The following LARGE1 variants were observed in gnomAD, a reference collection of about 807,000 sequenced individuals.
The protein encoded by LARGE1 is LARGE xylosyl- and glucuronyltransferase 1, also known as xylosyl- and glucuronyltransferase LARGE1.
A neutral mutation model predicts 87.6 loss-of-function variants in LARGE1; 43 were observed. The observed-to-expected ratio is 0.49, with a 90% CI of 0.38 to 0.63. LARGE1 has a LOEUF of 0.63. Among genes scored for constraint, LARGE1 ranks in the 30% least tolerant of loss-of-function variants. The pLI is 0.00. For synonymous variants in LARGE1, 434 were observed against 394.6 expected (o/e 1.10, Z -1.18); for missense variants, 802 against 1,000.2 (o/e 0.80, Z 2.67).
chr22:33,079,787 A>T, the LARGE1 span, among the ~76,000 whole-genome samples: 2 of 152,094 alleles, frequency 1.3e-5, no homozygotes, highest in African/African-American at 4.8e-5. Flanking sequence ...CTTTCCCCTT[A>T]AGACATAATT....
At chr22:33,789,622 C>T (rs1461056929) in intron 1 of LARGE1, among the ~76,000 whole-genome samples, 4 of 152,186 alleles carry the variant, frequency 2.6e-5, no homozygotes, top group African/African-American at 9.6e-5. Context: ...AGGGGTAGAG[C>T]TACCCAACTC....
At chr22:33,330,099 A>C (rs1406876780) in intron 10 of LARGE1, among the ~76,000 whole-genome samples, 1 of 152,146 alleles carries the variant, frequency 6.6e-6, no homozygotes, top group Non-Finnish European at 1.5e-5. Flanking sequence ...GCCCAACATG[A>C]GGTAGAACAA....
intron 3 of LARGE1, among the ~76,000 whole-genome samples, chr22:33,634,414 G>A (rs1020133981): frequency 3.3e-5 from 5 of 152,148 alleles, no homozygotes; most frequent in Non-Finnish European, 7.4e-5. Flanking sequence ...GCACTTGGAA[G>A]AGACTCTATA....
At chr22:33,631,535 C>T (rs1356435076) in intron 3 of LARGE1, among the ~76,000 whole-genome samples, 3 of 152,150 alleles carry the variant, frequency 2.0e-5, no homozygotes, top group Non-Finnish European at 4.4e-5. Flanking sequence ...TCAGAATCAT[C>T]AATATCACTG....
At chr22:33,193,966 T>C (rs1427888119) in intron 11 of LARGE1, among the ~76,000 whole-genome samples, 2 of 147,868 alleles carry the variant, frequency 1.4e-5, no homozygotes, top group African/African-American at 4.9e-5. Context: ...GTTATATATG[T>C]TTATATTTTA....
At chr22:33,744,814 A>C (rs2145569700) in intron 2 of LARGE1, among the ~76,000 whole-genome samples, 1 of 152,344 alleles carries the variant, frequency 6.6e-6, no homozygotes, top group African/African-American at 2.4e-5. Context: ...AGCAAGATGC[A>C]CTGTATATAT....
intron 1 of LARGE1, among the ~76,000 whole-genome samples, chr22:33,892,710 A>C (rs980302983): frequency 2.6e-5 from 4 of 151,850 alleles, no homozygotes; most frequent in African/African-American, 9.7e-5. Context: ...GTGAATTCTA[A>C]AGGTGGTACA....
chr22:33,283,694 T>G (rs978806241), intron 12 of LARGE1, among the ~76,000 whole-genome samples: 5 of 151,672 alleles, frequency 3.3e-5, no homozygotes, highest in Non-Finnish European at 7.4e-5. Context: ...TGACAATTGC[T>G]GGAGCCCGGG....
intron 10 of LARGE1, among the ~76,000 whole-genome samples, chr22:33,327,381 T>C (rs1399290422): frequency 6.6e-6 from 1 of 152,122 alleles, no homozygotes; most frequent in Non-Finnish European, 1.5e-5. Context: ...AGAGAGCGGG[T>C]ATCCAAGACA....
intron 12 of LARGE1, 124 bp downstream of exon 12, chr22:33,304,105 C>A: frequency 8.9e-7 from 1 of 1,119,264 alleles, no homozygotes; most frequent in Non-Finnish European, 1.3e-6. Context: ...TTCTGGGTCT[C>A]TGCTGCCCCA....
At chr22:33,774,199 T>A (rs886327079) in intron 1 of LARGE1, among the ~76,000 whole-genome samples, 1 of 152,154 alleles carries the variant, frequency 6.6e-6, no homozygotes, top group African/African-American at 2.4e-5. Context: ...AAACAAATTA[T>A]GTCTCAAAAT....
At chr22:33,723,295 A>G (rs974809014) in intron 2 of LARGE1, among the ~76,000 whole-genome samples, 4 of 152,290 alleles carry the variant, frequency 2.6e-5, no homozygotes, top group Admixed American at 2.6e-4. Flanking sequence ...CCAAGCCCAG[A>G]TTTAGGTTCA....
At chr22:33,833,708 A>G (rs1389044987) in intron 1 of LARGE1, among the ~76,000 whole-genome samples, 4 of 152,138 alleles carry the variant, frequency 2.6e-5, no homozygotes, top group African/African-American at 9.7e-5. Context: ...GTTTTTGCAG[A>G]TGGAGCTTCA....
At chr22:33,645,291 CATTTACAACT>C (rs1341957273) in intron 3 of LARGE1, among the ~76,000 whole-genome samples, 5 of 152,138 alleles carry the variant, frequency 3.3e-5, no homozygotes, top group Non-Finnish European at 7.3e-5. Context: ...ATTAACCACA[CATTTACAACT>C]ATCTGATCTT....
intron 1 of LARGE1, among the ~76,000 whole-genome samples, chr22:33,845,657 C>A (rs2063408599): frequency 6.6e-6 from 1 of 152,034 alleles, no homozygotes; most frequent in Admixed American, 6.6e-5. Flanking sequence ...AAGAAATAGA[C>A]TAAATCATTA....
At chr22:33,317,110 A>G (rs932343258) in intron 10 of LARGE1, among the ~76,000 whole-genome samples, 4 of 152,162 alleles carry the variant, frequency 2.6e-5, no homozygotes, top group African/African-American at 9.7e-5. Flanking sequence ...CCTACTCAGG[A>G]GGCTGAGGCA....
At chr22:33,095,548 A>G in the LARGE1 span, among the ~76,000 whole-genome samples, 4 of 152,216 alleles carry the variant, frequency 2.6e-5, no homozygotes, top group African/African-American at 7.2e-5. Context: ...GACTTCAAAA[A>G]TATCTTTTTG....
intron 3 of LARGE1, 52 bp downstream of exon 3, chr22:33,650,315 G>A (rs1328363773): frequency 1.2e-5 from 20 of 1,606,368 alleles, no homozygotes; most frequent in Admixed American, 3.3e-5. Flanking sequence ...CAAGGGGTGA[G>A]GGCAATCGGG....
intron 9 of LARGE1, among the ~76,000 whole-genome samples, chr22:33,345,455 T>C (rs577024325): frequency 3.3e-5 from 5 of 152,328 alleles, no homozygotes; most frequent in African/African-American, 9.6e-5. Context: ...CAGGATGATT[T>C]AGGATTTCCC....
Sources: allele counts gnomAD v4.1 joint callset (sites outside exome capture counted in the v4.1 genomes callset), GRCh38; gene constraint gnomAD v4.1.1; transcripts MANE v1.5; gene names NCBI Gene and HGNC (gene_info 2026-07-23, HGNC 2026-07-21).